The following MCTP1 variants were observed in gnomAD, a reference collection of about 807,000 sequenced individuals.
The protein encoded by MCTP1 is multiple C2 and transmembrane domain containing 1.
In MCTP1, 69 loss-of-function variants were observed where a neutral mutation model predicts 120.6. The observed-to-expected ratio is 0.57, with a 90% confidence interval of 0.47 to 0.70. MCTP1 has a LOEUF of 0.70. MCTP1 is among the 30% of genes least tolerant of loss of function. The probability of loss-of-function intolerance (pLI) is 0.00; values close to 1 mark genes in which losing one functional copy is unlikely to be tolerated. For synonymous variants in MCTP1, 529 were observed against 493.1 expected (o/e 1.07, Z -0.96); for missense variants, 1,203 against 1,248.8 (o/e 0.96, Z 0.55).
At chr5:95,140,632 G>C (rs1463104218) in intron 1 of MCTP1, among the ~76,000 whole-genome samples, 4 of 149,554 alleles carry the variant, frequency 2.7e-5, no homozygotes, top group Non-Finnish European at 5.9e-5. Flanking sequence ...GCCGAGGCGG[G>C]TGGATCACGA....
chr5:94,714,687 G>T, intron 20 of MCTP1, 90 bp downstream of exon 20: 1 of 802,724 alleles, frequency 1.2e-6, no homozygotes, highest in Non-Finnish European at 2.2e-6. Flanking sequence ...AGTGTCCCCT[G>T]CCAAAAAGAA....
chr5:95,280,646 G>C (rs975843556), intron 1 of MCTP1, among the ~76,000 whole-genome samples: 12 of 151,866 alleles, frequency 7.9e-5, no homozygotes, highest in African/African-American at 1.9e-4. Flanking sequence ...GGGAAGAAAG[G>C]GATATTTTTT....
chr5:95,148,970 G>A (rs924407845), intron 1 of MCTP1, among the ~76,000 whole-genome samples: 1 of 152,208 alleles, frequency 6.6e-6, no homozygotes, highest in South Asian at 2.1e-4. Context: ...TTTTGGTGCT[G>A]TAATTTGGAC....
intron 17 of MCTP1, among the ~76,000 whole-genome samples, chr5:94,804,653 T>C (rs1272503349): frequency 6.6e-6 from 1 of 152,194 alleles, no homozygotes; most frequent in Admixed American, 6.5e-5. Flanking sequence ...TTAGTCAGGA[T>C]GGTCTCGATC....
At chr5:95,193,409 T>G (rs1400911456) in intron 1 of MCTP1, among the ~76,000 whole-genome samples, 2 of 152,180 alleles carry the variant, frequency 1.3e-5, no homozygotes, top group Non-Finnish European at 1.5e-5. Context: ...CATTCAAGCT[T>G]CATCATTCTG....
At chr5:94,723,999 T>C (rs968409053) in intron 19 of MCTP1, among the ~76,000 whole-genome samples, 3 of 152,016 alleles carry the variant, frequency 2.0e-5, no homozygotes, top group African/African-American at 7.2e-5. Flanking sequence ...ATGAGAAGAC[T>C]GAGAAGTTGA....
chr5:95,260,888 T>C (rs1758413994), intron 1 of MCTP1, among the ~76,000 whole-genome samples: 1 of 152,210 alleles, frequency 6.6e-6, no homozygotes, highest in Admixed American at 6.5e-5. Context: ...AATTTTTCTA[T>C]TAAAAGTAAT....
chr5:95,096,344 C>T (rs7733355), intron 1 of MCTP1, among the ~76,000 whole-genome samples: 2,472 of 152,244 alleles, frequency 0.016, 62 homozygotes, highest in African/African-American at 0.056. Context: ...TTTTTAATTG[C>T]TTGTTCTGTT....
At chr5:95,190,599 C>A (rs1022168178) in intron 1 of MCTP1, among the ~76,000 whole-genome samples, 1 of 151,862 alleles carries the variant, frequency 6.6e-6, no homozygotes, top group African/African-American at 2.4e-5. Context: ...GCTTTTGAAA[C>A]CAGGATTCCA....
At chr5:95,188,009 G>A (rs756552062) in intron 1 of MCTP1, among the ~76,000 whole-genome samples, 10 of 151,812 alleles carry the variant, frequency 6.6e-5, no homozygotes, top group African/African-American at 1.7e-4. Context: ...TACTATGTAC[G>A]CACACAATTA....
intron 12 of MCTP1, among the ~76,000 whole-genome samples, chr5:94,879,180 T>C (rs1799528420): frequency 6.6e-6 from 1 of 152,068 alleles, no homozygotes; most frequent in Admixed American, 6.6e-5. Context: ...CATCTTAAGG[T>C]CTTTGGTGTA....
intron 1 of MCTP1, among the ~76,000 whole-genome samples, chr5:95,244,068 A>C (rs1193319455): frequency 6.6e-6 from 1 of 152,188 alleles, no homozygotes; most frequent in Non-Finnish European, 1.5e-5. Flanking sequence ...TACAGAGTAG[A>C]GAGAAGATAT....
intron 8 of MCTP1, among the ~76,000 whole-genome samples, chr5:94,916,079 A>G (rs1809985264): frequency 1.3e-5 from 2 of 152,342 alleles, no homozygotes; most frequent in African/African-American, 2.4e-5. Flanking sequence ...TTCTTCTTCA[A>G]TAATTTTTGT....
chr5:94,715,004 T>C, intron 19 of MCTP1, 118 bp from the exon 20 acceptor site: 1 of 633,884 alleles, frequency 1.6e-6, no homozygotes. Context: ...TTCGTGTGGT[T>C]ATAAATGGAT....
chr5:95,134,122 A>G (rs1459424852), intron 1 of MCTP1, among the ~76,000 whole-genome samples: 2 of 152,206 alleles, frequency 1.3e-5, no homozygotes, highest in Non-Finnish European at 2.9e-5. Context: ...GATGCTTCAA[A>G]TCTATTCTAT....
intron 1 of MCTP1, among the ~76,000 whole-genome samples, chr5:95,062,772 C>G (rs1749579501): frequency 6.6e-6 from 1 of 151,864 alleles, no homozygotes; most frequent in Non-Finnish European, 1.5e-5. Context: ...CTTATGATTG[C>G]TGGGTCCAGG....
chr5:94,917,043 T>C (rs1253243485), intron 8 of MCTP1, among the ~76,000 whole-genome samples: 10 of 152,222 alleles, frequency 6.6e-5, no homozygotes, highest in Admixed American at 1.3e-4. Context: ...GTCTAGATAT[T>C]TGGAGTATTT....
chr5:94,931,872 G>A (rs1045591160), intron 6 of MCTP1, 81 bp downstream of exon 6: 1 of 1,039,744 alleles, frequency 9.6e-7, no homozygotes, highest in Middle Eastern at 3.0e-4. Context: ...AGCATACTTT[G>A]AAGAGATGAG....
chr5:94,904,974 T>C (rs534545029), intron 10 of MCTP1, among the ~76,000 whole-genome samples: 9 of 152,296 alleles, frequency 5.9e-5, no homozygotes, highest in Non-Finnish European at 1.2e-4. Flanking sequence ...GTTTGCCATA[T>C]GGTGGTTGCT....
Sources: allele counts gnomAD v4.1 joint callset (sites outside exome capture counted in the v4.1 genomes callset), GRCh38; gene constraint gnomAD v4.1.1; transcripts MANE v1.5; gene names NCBI Gene and HGNC (gene_info 2026-07-23, HGNC 2026-07-21).